Variants in ARHGEF17 observed in about 807,000 individuals in gnomAD.
ARHGEF17 encodes the protein 164 kDa Rho-specific guanine-nucleotide exchange factor.
In ARHGEF17, 80 loss-of-function variants were observed where a neutral mutation model predicts 174.0. That is an observed-to-expected ratio of 0.46 (90% CI 0.38 to 0.55). ARHGEF17 has a LOEUF of 0.55. ARHGEF17 is among the 20% of genes least tolerant of loss of function. The pLI, the probability that ARHGEF17 is intolerant of heterozygous loss-of-function variation, is 0.00. For missense variants in ARHGEF17, 2,886 were observed against 2,839.7 expected (o/e 1.02, Z -0.37); for synonymous variants, 1,311 against 1,189.1 (o/e 1.10, Z -2.11).
At chr11:73,341,716 A>AC (rs1274879738) in intron 1 of ARHGEF17, among the ~76,000 whole-genome samples, 1 of 152,198 alleles carries the variant, frequency 6.6e-6, no homozygotes, top group Non-Finnish European at 1.5e-5. Flanking sequence ...GGAAGTTAAA[A>AC]CGGAAGTGGC....
Position 73,311,259 on chromosome 11 carries a change from A to C in ARHGEF17, c.2621A>C (p.Glu874Ala). The C allele has an allele frequency of 1.2e-6, 2 of 1,612,554 alleles. No individual in the cohort carries two copies. Among genetic ancestry groups the C allele is most frequent in the South Asian group, 2.2e-5 (2 of 91,018 alleles). Reference protein sequence around the residue: ...PILVEQRAEPEEPGATRSRAQ... With the variant: ...PILVEQRAEPAEPGATRSRAQ... ...CTTGTAGAGCAGCGGGCAGAGCCAG[A>C]AGAACCTGGTGCCACCAGGAGCCGG... The change falls in exon 1 of 21, where the codon GAA becomes GCA. Residue 874 changes from glutamate to alanine, a missense_variant. Coordinates refer to ENST00000263674, the MANE Select transcript of ARHGEF17 (RefSeq NM_014786.4).
In ARHGEF17 at chr11:73,357,283, A is replaced by G; in HGVS notation, c.4043A>G (p.Lys1348Arg). 5 of 1,614,076 alleles carry G rather than the reference A, an allele frequency of 3.1e-6. No individual in the cohort carries two copies. The highest frequency in any genetic ancestry group is 4.2e-6 in the Non-Finnish European group (5 of 1,179,990). The change falls in exon 9 of 21, where the codon AAG becomes AGG. Residue 1348 changes from lysine to arginine, a missense_variant. Coordinates refer to ENST00000263674, the MANE Select transcript of ARHGEF17 (RefSeq NM_014786.4). Reference protein sequence around the residue: ...ASVIDTASKYKMLWKLPLEDA... With the variant: ...ASVIDTASKYRMLWKLPLEDA... ...GTCATTGACACAGCCAGCAAGTACAAGATGCTGTGGAAGCTGCCGCTGGAA... is the reference window on the plus strand; with the variant it reads ...GTCATTGACACAGCCAGCAAGTACAGGATGCTGTGGAAGCTGCCGCTGGAA...
chr11:73,363,169 A>G (rs1252141743), intron 14 of ARHGEF17, 37 bp from the exon 15 acceptor site: 2 of 1,494,362 alleles, frequency 1.3e-6, no homozygotes, highest in Non-Finnish European at 1.8e-6. Context: ...CAGGCCTGGC[A>G]GAGGGAAATG....
rs1865882240 is a variant in ARHGEF17 at position 73,368,657 on chromosome 11, C to T, written c.*877C>T. 1 of 152,546 alleles carries T rather than the reference C, an allele frequency of 6.6e-6. No individual in the cohort carries two copies. The highest frequency in any genetic ancestry group is 1.5e-5 in the Non-Finnish European group (1 of 68,094). 9.4% of individuals were successfully genotyped at this position (152,546 alleles called of 1,614,324 possible). A position where few individuals can be genotyped will look rare whatever the true frequency, so the allele number is the denominator to read the frequency against. ...TCACAGTCGCCCCCAGTCCTTGGCC[C>T]TGCTTCCCTGTGTCTCATGCACTGG... On this transcript the variant is annotated 3_prime_UTR_variant, in exon 21 of 21. Coordinates refer to ENST00000263674, the MANE Select transcript of ARHGEF17 (RefSeq NM_014786.4).
At chr11:73,356,380 A>G (rs777677921) in intron 6 of ARHGEF17, 29 bp downstream of exon 6, 1 of 1,159,830 alleles carries the variant, frequency 8.6e-7, no homozygotes, top group Non-Finnish European at 1.1e-6. Context: ...ACCCCACCCT[A>G]CCCCACCCCA....
rs1414379852 is a variant in ARHGEF17 at position 73,311,446 on chromosome 11, A to G, written c.2808A>G (p.Arg936=). ...GGAGTAGTCACCAGGAGCTTCGGAG[A>G]GACGAGGGCAGTCAGGACCAGACTG... ...PARSSHQELR[R]DEGSQDQTGS... Residue 936 remains arginine (R), a synonymous_variant, in exon 1 of 21, where the codon AGA becomes AGG. Transcript: ENST00000263674. The G allele has an allele frequency of 6.2e-7, 1 of 1,613,170 alleles. No homozygotes were observed. Among genetic ancestry groups the G allele is most frequent in the Non-Finnish European group, 8.5e-7 (1 of 1,180,028 alleles).
chr11:73,365,373 TCCC>T lies in ARHGEF17; in HGVS notation c.5551-14_5551-12del, dbSNP rs1226152814. 1.2e-6 allele frequency: 2 copies of T among 1,613,190 alleles called. No individual in the cohort carries two copies. Among genetic ancestry groups the T allele is most frequent in the African/African-American group, 1.3e-5 (1 of 74,864 alleles). On this transcript the variant is annotated splice_polypyrimidine_tract_variant and intron_variant, in intron 18 of 20. Transcript: ENST00000263674. The surrounding 1 kb of genome is among the most constrained non-coding windows in gnomAD (Gnocchi z 4.9). ...GCAGGCCTGCCAATGACCCATCTTC[TCCC>T]CCGCCTTCCCCAGCACATGTTTTAC... is the stretch of plus-strand genomic sequence containing the variant.
chr11:73,363,314 C>T lies in ARHGEF17; in HGVS notation c.5105C>T (p.Pro1702Leu). 6.2e-7 allele frequency: 1 copy of T among 1,612,694 alleles called. No homozygotes were observed. The highest frequency in any genetic ancestry group is 8.5e-7 in the Non-Finnish European group (1 of 1,179,740). Residue 1702 changes from proline to leucine, a missense_variant, in exon 15 of 21, where the codon CCC becomes CTC. Physicochemically the swap from Pro to Leu is moderately conservative, Grantham distance 98. Around this residue, in one of 4 missense-constraint regions of ARHGEF17, gnomAD observed 476 missense variants for 473.1 expected, o/e 1.01. Transcript: ENST00000263674. ...PLSGSFGPGG[P>L]CGTSPMDGRA... ...TCTGGCTCCTTTGGGCCTGGTGGTC[C>T]CTGCGGCACCAGCCCAATGGATGGG... is the stretch of plus-strand genomic sequence containing the variant.
At position 73,365,379 on chromosome 11, in the gene ARHGEF17, G is replaced by A. The variant is rs374884752; in HGVS notation, c.5551-11G>A. 2.0e-5 allele frequency: 33 copies of A among 1,613,604 alleles called. No individual in the cohort carries two copies. In the East Asian group the frequency reaches 2.5e-4, roughly 12 times the overall value. ...CTGCCAATGACCCATCTTCTCCCCC[G>A]CCTTCCCCAGCACATGTTTTACGTG... On this transcript the variant is annotated splice_polypyrimidine_tract_variant and intron_variant, in intron 18 of 20. Coordinates refer to ENST00000263674, the MANE Select transcript of ARHGEF17 (RefSeq NM_014786.4). The surrounding 1 kb of genome is among the most constrained non-coding windows in gnomAD (Gnocchi z 4.9).
chr11:73,364,744 T>G (rs1865808054), intron 18 of ARHGEF17, 144 bp downstream of exon 18: 2 of 1,003,666 alleles, frequency 2.0e-6, no homozygotes, highest in Non-Finnish European at 2.8e-6. Flanking sequence ...CGCTGGCCAG[T>G]CCCTGTCCTC....
intron 9 of ARHGEF17, among the ~76,000 whole-genome samples, chr11:73,357,907 C>A (rs1031003267): frequency 6.6e-6 from 1 of 152,232 alleles, no homozygotes; most frequent in Non-Finnish European, 1.5e-5. Context: ...CAGGCTGGCT[C>A]CTGGCTCAGC....
Position 73,365,880 on chromosome 11 carries a change from G to T in ARHGEF17, c.5928G>T (p.Leu1976Phe). The T allele has an allele frequency of 6.2e-7, 1 of 1,610,884 alleles. No homozygotes were observed. Among genetic ancestry groups the T allele is most frequent in the Non-Finnish European group, 8.5e-7 (1 of 1,180,008 alleles). The change falls in exon 20 of 21, where the codon TTG becomes TTT. Residue 1976 changes from leucine to phenylalanine, a missense_variant. By Grantham distance (22) the Leu-to-Phe change is conservative. This residue lies in a region of ARHGEF17 where 329 missense variants were observed against 435.2 expected (regional missense o/e 0.76). Coordinates refer to ENST00000263674, the MANE Select transcript of ARHGEF17 (RefSeq NM_014786.4). The surrounding 1 kb of genome is among the most constrained non-coding windows in gnomAD (Gnocchi z 4.9). Reference sequence around the variant, plus strand: ...GACACACCGGCCACGTCCGCTTCTTGGCTGCAGTCCAGCTGCCAGATGGCT... The same window carrying T: ...GACACACCGGCCACGTCCGCTTCTTTGCTGCAGTCCAGCTGCCAGATGGCT... Reference protein sequence around the residue: ...GQGHTGHVRFLAAVQLPDGFN... With the variant: ...GQGHTGHVRFFAAVQLPDGFN...
In ARHGEF17 at chr11:73,362,563, C is replaced by T. The variant is rs1865764190; in HGVS notation, c.4825C>T (p.His1609Tyr). 2 of 1,609,588 alleles carry T rather than the reference C, an allele frequency of 1.2e-6. No individual in the cohort carries two copies. Among genetic ancestry groups the T allele is most frequent in the African/African-American group, 2.7e-5 (2 of 75,056 alleles). Residue 1609 changes from histidine (H) to tyrosine (Y), a missense_variant, in exon 14 of 21, where the codon CAC becomes TAC. By Grantham distance (83) the His-to-Tyr change is moderately conservative (BLOSUM62 2). Coordinates refer to ENST00000263674, the MANE Select transcript of ARHGEF17 (RefSeq NM_014786.4). ...LAEPGPQPCL[H>Y]ISIAGSGLEM... ...GGAGCCGGGGCCGCAGCCCTGCCTT[C>T]ACATCTCCATTGCAGGCTCGGGCTT...
At chr11:73,358,743 C>T (rs1488813609) in intron 9 of ARHGEF17, among the ~76,000 whole-genome samples, 1 of 151,730 alleles carries the variant, frequency 6.6e-6, no homozygotes, top group Admixed American at 6.6e-5. Flanking sequence ...GGATTACAGG[C>T]GTGAGCCAAC....
chr11:73,317,455 A>G (rs1030199075), intron 1 of ARHGEF17, among the ~76,000 whole-genome samples: 1 of 152,048 alleles, frequency 6.6e-6, no homozygotes, highest in Admixed American at 6.5e-5. Context: ...CAGTGTCCTG[A>G]CTCCCAGACC....
chr11:73,360,089 C>A, intron 10 of ARHGEF17, 137 bp downstream of exon 10: 1 of 954,922 alleles, frequency 1.0e-6, no homozygotes, highest in Non-Finnish European at 1.5e-6. Flanking sequence ...ATCGCAGCCT[C>A]CCTGCGTATG....
At chr11:73,320,852 A>G (rs1591724056) in intron 1 of ARHGEF17, among the ~76,000 whole-genome samples, 1 of 151,928 alleles carries the variant, frequency 6.6e-6, no homozygotes, top group Non-Finnish European at 1.5e-5. Flanking sequence ...AGTAGAGGCA[A>G]AGTCTCACTA....
chr11:73,312,848 C>T (rs972634833), intron 1 of ARHGEF17, among the ~76,000 whole-genome samples: 2 of 152,120 alleles, frequency 1.3e-5, no homozygotes, highest in African/African-American at 4.8e-5. Flanking sequence ...GGGGCTCACT[C>T]TCCCTGAGAC....
intron 5 of ARHGEF17, 62 bp downstream of exon 5, chr11:73,356,015 G>T (rs966857995): frequency 6.9e-6 from 11 of 1,603,478 alleles, no homozygotes; most frequent in Non-Finnish European, 9.4e-6. Flanking sequence ...ATACAAGGAG[G>T]TCTAAGGCCC....
Sources: gnomAD v4.1 joint callset for allele counts (sites outside exome capture counted in the v4.1 genomes callset) on GRCh38, gnomAD v4.1.1 for gene constraint, gnomAD v4.1.1 regional missense constraint, Gnocchi (gnomAD v3.1) non-coding constraint, MANE v1.5 for transcripts, NCBI Gene and HGNC (gene_info 2026-07-23, HGNC 2026-07-21) for gene names.